Variants in ROCK2 observed in about 807,000 individuals in gnomAD.
ROCK2 encodes the protein Rho associated coiled-coil containing protein kinase 2.
In ROCK2, 61 loss-of-function variants were observed where a neutral mutation model predicts 195.1. That is an observed-to-expected ratio of 0.31 (90% confidence interval 0.25 to 0.39). The LOEUF is 0.39. Among genes scored for constraint, ROCK2 ranks in the 10% least tolerant of loss-of-function variants. The probability of loss-of-function intolerance (pLI) is 1.00; values close to 1 mark genes in which losing one functional copy is unlikely to be tolerated. For missense variants in ROCK2, 1,109 were observed against 1,637.4 expected, an observed-to-expected ratio of 0.68 and a Z score of 5.57; for synonymous variants, 504 against 545.5, an observed-to-expected ratio of 0.92 and a Z score of 1.06.
intron 3 of ROCK2, among the ~76,000 whole-genome samples, chr2:11,273,764 G>C (rs1363698311): frequency 6.6e-6 from 1 of 151,960 alleles, no homozygotes; most frequent in Non-Finnish European, 1.5e-5. Flanking sequence ...TAAAAAGATA[G>C]ACATACAAAG....
chr2:11,344,798 C>T (rs532948796), upstream of ROCK2, among the ~76,000 whole-genome samples: 1 of 150,718 alleles, frequency 6.6e-6, no homozygotes, highest in African/African-American at 2.4e-5. The surrounding 1 kb of genome is among the most constrained non-coding windows in gnomAD (Gnocchi z 5.4). Flanking sequence ...CTCCTCTGCG[C>T]CCCTTCCTCG....
At chr2:11,252,540 T>C (rs532580344) in intron 3 of ROCK2, among the ~76,000 whole-genome samples, 26 of 152,216 alleles carry the variant, frequency 1.7e-4, no homozygotes, top group African/African-American at 6.0e-4. Flanking sequence ...AGCAAAGACT[T>C]GGAACCAACA....
chr2:11,220,021 T>C (rs1389191330), intron 9 of ROCK2, among the ~76,000 whole-genome samples: 1 of 152,070 alleles, frequency 6.6e-6, no homozygotes, highest in African/African-American at 2.4e-5. Flanking sequence ...TTTTTGTTGT[T>C]GTTGTTGTTG....
At chr2:11,307,901 G>A (rs1159975200) in intron 1 of ROCK2, 6 of 1,218,484 alleles carry the variant, frequency 4.9e-6, no homozygotes, top group Non-Finnish European at 5.4e-6. Context: ...CTCGGTGGGT[G>A]GCGGTGGTGG....
intron 3 of ROCK2, among the ~76,000 whole-genome samples, chr2:11,281,809 A>T (rs917713554): frequency 1.3e-5 from 2 of 152,174 alleles, no homozygotes; most frequent in Non-Finnish European, 2.9e-5. Context: ...CATGTATAAG[A>T]TCTATATGAG....
chr2:11,214,582 T>C (rs1255537711), intron 16 of ROCK2, 119 bp from the exon 17 acceptor site: 11 of 690,188 alleles, frequency 1.6e-5, no homozygotes, highest in Non-Finnish European at 2.2e-5. Flanking sequence ...GCAGAAGTTT[T>C]ATACTTGTTG....
intron 1 of ROCK2, among the ~76,000 whole-genome samples, chr2:11,330,776 AG>A (rs1330046317): frequency 8.3e-5 from 4 of 48,144 alleles, no homozygotes; most frequent in Non-Finnish European, 1.2e-4. Flanking sequence ...AGGAGGAGGG[AG>A]GGAAGAGGAG....
intron 5 of ROCK2, among the ~76,000 whole-genome samples, chr2:11,229,393 G>C (rs1664921864): frequency 6.6e-6 from 1 of 151,910 alleles, no homozygotes; most frequent in South Asian, 2.1e-4. Context: ...CTGTGAGAAG[G>C]ATAAGTAAAA....
intron 1 of ROCK2, among the ~76,000 whole-genome samples, chr2:11,324,425 A>AAAAACAAAAC (rs55779313): frequency 0.016 from 2,402 of 150,744 alleles, 25 homozygotes; most frequent in Middle Eastern, 0.027. Context: ...CTCCGTCTCA[A>AAAAACAAAAC]AAAACAAAAC....
intron 1 of ROCK2, among the ~76,000 whole-genome samples, chr2:11,313,015 G>A (rs1164003443): frequency 6.6e-6 from 1 of 152,060 alleles, no homozygotes; most frequent in Non-Finnish European, 1.5e-5. Context: ...TTTTAGGACA[G>A]TAAAACTCTT....
At chr2:11,315,440 T>G (rs977829728) in intron 1 of ROCK2, among the ~76,000 whole-genome samples, 3 of 151,912 alleles carry the variant, frequency 2.0e-5, no homozygotes, top group African/African-American at 4.8e-5. Flanking sequence ...AGTTTAAAAT[T>G]TTTTTAATTA....
At chr2:11,246,527 CTTT>C (rs1665620601) in intron 4 of ROCK2, among the ~76,000 whole-genome samples, 1 of 151,882 alleles carries the variant, frequency 6.6e-6, no homozygotes, top group Admixed American at 6.6e-5. Flanking sequence ...ATATAAATGG[CTTT>C]AAAAAGACAA....
At chr2:11,216,063 C>CATA in intron 13 of ROCK2, 95 bp downstream of exon 13, 1 of 927,624 alleles carries the variant, frequency 1.1e-6, no homozygotes, top group Non-Finnish European at 1.8e-6. Context: ...TTTCAAGGCA[C>CATA]GTATTACTAT....
chr2:11,235,821 G>C lies in ROCK2; in HGVS notation c.604C>G (p.Leu202Val), dbSNP rs375900030. The part of the protein sequence containing the change: ...KFYTAEVVLA[L>V]DAIHSMGLIH... ...AAACCCATGGAGTGTATTGCATCCA[G>C]AGCAAGAACAACTTCAGCAGTGTAA... The change falls in exon 5 of 33, where the codon CTG becomes GTG. Residue 202 changes from leucine (L) to valine (V), a missense_variant. Physicochemically the swap from Leu to Val is conservative, Grantham distance 32. Transcript: ENST00000315872. This position sits in a 1 kb window ranked among gnomAD's most constrained non-coding sequence, Gnocchi z 4.2. The C allele has an allele frequency of 6.2e-7, 1 of 1,613,834 alleles. No homozygotes were observed. The highest frequency in any genetic ancestry group is 2.2e-5 in the East Asian group (1 of 44,854).
chr2:11,219,191 T>C (rs954407767), intron 9 of ROCK2, among the ~76,000 whole-genome samples, 165 bp from the exon 10 acceptor site: 1 of 152,034 alleles, frequency 6.6e-6, no homozygotes, highest in Non-Finnish European at 1.5e-5. Flanking sequence ...GACATTTGTA[T>C]CATTTTCAAT....
intron 32 of ROCK2, among the ~76,000 whole-genome samples, chr2:11,191,393 T>C (rs1265421952): frequency 1.3e-5 from 2 of 152,226 alleles, no homozygotes; most frequent in African/African-American, 2.4e-5. Context: ...TCTACCTCAA[T>C]TCCAAGGAAT....
At chr2:11,238,279 T>TA (rs1345279264) in intron 4 of ROCK2, among the ~76,000 whole-genome samples, 1 of 145,244 alleles carries the variant, frequency 6.9e-6, no homozygotes, top group Non-Finnish European at 1.5e-5. Context: ...TTTAAATGAT[T>TA]AAAGGAAATA....
At chr2:11,219,594 G>A (rs543655775) in intron 9 of ROCK2, among the ~76,000 whole-genome samples, 1 of 152,094 alleles carries the variant, frequency 6.6e-6, no homozygotes, top group South Asian at 2.1e-4. Context: ...AATTTTGTTT[G>A]CACCAGACTC....
At chr2:11,343,600 G>C (rs72771305) in intron 1 of ROCK2, among the ~76,000 whole-genome samples, 6,462 of 152,272 alleles carry the variant, frequency 0.042, 275 homozygotes, top group Non-Finnish European at 0.06. Flanking sequence ...GACAGCATCA[G>C]GTTTCTTTCT....
Sources: allele counts gnomAD v4.1 joint callset (sites outside exome capture counted in the v4.1 genomes callset), GRCh38; gene constraint gnomAD v4.1.1; non-coding constraint Gnocchi (gnomAD v3.1); transcripts MANE v1.5; gene names NCBI Gene and HGNC (gene_info 2026-07-23, HGNC 2026-07-21).